The following SOS1 variants were observed in gnomAD, a reference collection of about 807,000 sequenced individuals.
SOS1 encodes son of sevenless homolog 1.
Under a neutral mutation model 157.6 loss-of-function variants are expected in SOS1, and 25 were observed. That is an observed-to-expected ratio of 0.16 (90% CI 0.12 to 0.22). The LOEUF is 0.22. SOS1 is among the 10% of genes least tolerant of loss of function. The pLI is 1.00. For synonymous variants in SOS1, 528 were observed against 534.0 expected, an observed-to-expected ratio of 0.99 and a Z score of 0.16; for missense variants, 1,237 against 1,599.1, an observed-to-expected ratio of 0.77 and a Z score of 3.86.
chr2:39,037,743 T>C (rs1020460462), intron 6 of SOS1, among the ~76,000 whole-genome samples: 1 of 152,190 alleles, frequency 6.6e-6, no homozygotes. Context: ...TCTTCACCAT[T>C]ACTATTGAGC....
At chr2:39,019,468 G>C (rs1669727454) in intron 10 of SOS1, among the ~76,000 whole-genome samples, 1 of 151,702 alleles carries the variant, frequency 6.6e-6, no homozygotes, top group Admixed American at 6.6e-5. Context: ...ACCATTGCCA[G>C]ATTTAGAATG....
chr2:39,072,053 T>G (rs1671811973), intron 1 of SOS1, among the ~76,000 whole-genome samples: 1 of 152,198 alleles, frequency 6.6e-6, no homozygotes, highest in South Asian at 2.1e-4. Flanking sequence ...TTTAACTGAT[T>G]TGTTGAATCT....
At chr2:38,995,095 T>A in intron 20 of SOS1, 28 bp downstream of exon 20, 1 of 1,602,846 alleles carries the variant, frequency 6.2e-7, no homozygotes, top group Non-Finnish European at 8.5e-7. Flanking sequence ...AACAAATACC[T>A]TAATGCACTT....
chr2:39,105,543 AT>A (rs1673137476), intron 1 of SOS1, among the ~76,000 whole-genome samples: 1 of 152,136 alleles, frequency 6.6e-6, no homozygotes, highest in Admixed American at 6.6e-5. Flanking sequence ...ATTATGTTTT[AT>A]TTTTAAATTT....
intron 1 of SOS1, among the ~76,000 whole-genome samples, chr2:39,071,323 C>G (rs555560776): frequency 6.6e-6 from 1 of 152,130 alleles, no homozygotes; most frequent in African/African-American, 2.4e-5. Context: ...CCCTAGTGTA[C>G]GGAGTGGATG....
intron 17 of SOS1, among the ~76,000 whole-genome samples, chr2:38,999,007 G>T (rs1206269708): frequency 1.3e-5 from 2 of 152,198 alleles, no homozygotes; most frequent in Non-Finnish European, 2.9e-5. Context: ...ATACTAGGAG[G>T]TGCTATATTA....
At chr2:39,047,715 G>T (rs547203546) in intron 6 of SOS1, among the ~76,000 whole-genome samples, 1 of 152,286 alleles carries the variant, frequency 6.6e-6, no homozygotes, top group East Asian at 1.9e-4. Context: ...CTGTCGCCCA[G>T]GCTGGAGTAC....
At chr2:39,083,154 C>T (rs969184909) in intron 1 of SOS1, among the ~76,000 whole-genome samples, 3 of 152,124 alleles carry the variant, frequency 2.0e-5, no homozygotes, top group Non-Finnish European at 4.4e-5. Context: ...CCCTTGGCCC[C>T]TCTACTGATT....
At chr2:39,098,287 T>G (rs1225743613) in intron 1 of SOS1, 1 of 260,756 alleles carries the variant, frequency 3.8e-6, no homozygotes, top group Non-Finnish European at 7.6e-6. Context: ...TCTCCACCCT[T>G]TACTTTAGAG....
intron 1 of SOS1, among the ~76,000 whole-genome samples, chr2:39,075,337 C>G (rs1671932620): frequency 6.6e-6 from 1 of 151,942 alleles, no homozygotes; most frequent in Non-Finnish European, 1.5e-5. Context: ...CAATATTTTC[C>G]AGGAAAGATA....
chr2:39,049,552 C>T (rs1459972633), intron 6 of SOS1, among the ~76,000 whole-genome samples: 2 of 152,112 alleles, frequency 1.3e-5, no homozygotes, highest in East Asian at 3.9e-4. Flanking sequence ...TCAATTTCAT[C>T]TGGAATAAAT....
At position 39,002,484 on chromosome 2, in the gene SOS1, C is replaced by T. The variant is rs184215963; in HGVS notation, c.2791+3928G>A. Among the ~76,000 whole-genome samples the T allele has an allele frequency of 8.4e-4, 128 of 152,238 alleles. 1 individual carries two copies. The highest frequency in any genetic ancestry group is 3.1e-3 in the African/African-American group (127 of 41,518). ...GTGAATGGGTCCTGAGGTTTCTTTT[C>T]ATGTCTGTGTACCGGAGACCATGGG... On this transcript the variant is annotated intron_variant, in intron 17 of 22. Transcript: ENST00000402219.
intron 8 of SOS1, among the ~76,000 whole-genome samples, chr2:39,026,104 C>T (rs1174930211): frequency 1.3e-5 from 2 of 152,066 alleles, no homozygotes; most frequent in Non-Finnish European, 2.9e-5. Flanking sequence ...TGCCTGTAAT[C>T]CCAGCACTTT....
chr2:38,997,921 T>C (rs972675763), intron 17 of SOS1, among the ~76,000 whole-genome samples: 2 of 152,198 alleles, frequency 1.3e-5, no homozygotes, highest in African/African-American at 4.8e-5. Context: ...AGTTTCTGCT[T>C]AGTCAGCTCT....
intron 10 of SOS1, among the ~76,000 whole-genome samples, 153 bp from the exon 11 acceptor site, chr2:39,014,999 T>TA (rs1262888123): frequency 2.0e-5 from 3 of 152,168 alleles, no homozygotes; most frequent in African/African-American, 7.2e-5. Context: ...AATGCACTGC[T>TA]AGCTTAGTGC....
At position 39,058,410 on chromosome 2, in the gene SOS1, TAAAC is replaced by T. The variant is rs148203100; in HGVS notation, c.345+259_345+262del. On this transcript the variant is annotated intron_variant, in intron 3 of 22. Coordinates refer to ENST00000402219, the MANE Select transcript of SOS1 (RefSeq NM_005633.4). Reference sequence around the variant, plus strand: ...TTTGTGGTCCTAATTACATCTGAGATAAACAAAATCCACAATAACTTTCTTAGTC... The same window carrying T: ...TTTGTGGTCCTAATTACATCTGAGATAAAATCCACAATAACTTTCTTAGTC... Among the ~76,000 whole-genome samples the T allele has an allele frequency of 0.92, 140,045 of 151,788 alleles. 64,725 individuals carry two copies. The highest frequency in any genetic ancestry group is 0.97 in the African/African-American group (40,264 of 41,488).
In SOS1 at chr2:39,041,844, T is replaced by C. The variant is rs80182934; in HGVS notation, c.865-6344A>G. 4.8e-3 allele frequency among the ~76,000 whole-genome samples: 731 copies of C among 152,354 alleles called. 44 individuals carry two copies. The East Asian group carries it at 0.12, about 25-fold the overall frequency. On this transcript the variant is annotated intron_variant, in intron 6 of 22. Transcript: ENST00000402219. ...TCAAAGTCATAAATATGTTCTCCTA[T>C]ATTTTCTTTTGAAGTTCTACTCTTC...
intron 15 of SOS1, among the ~76,000 whole-genome samples, chr2:39,008,307 G>A (rs371637876): frequency 4.6e-5 from 7 of 152,122 alleles, no homozygotes; most frequent in African/African-American, 1.4e-4. Flanking sequence ...AGTAGCATCC[G>A]TCTGCCACTC....
At chr2:39,017,200 T>C (rs942643559) in intron 10 of SOS1, among the ~76,000 whole-genome samples, 5 of 152,062 alleles carry the variant, frequency 3.3e-5, no homozygotes, top group African/African-American at 1.2e-4. Flanking sequence ...ATGTGATTCC[T>C]GATTTAGTGC....
Sources: gnomAD v4.1 joint callset for allele counts (sites outside exome capture counted in the v4.1 genomes callset) on GRCh38, gnomAD v4.1.1 for gene constraint, MANE v1.5 for transcripts, NCBI Gene and HGNC (gene_info 2026-07-23, HGNC 2026-07-21) for gene names.